The following PPFIA1 variants were observed in gnomAD, a reference collection of about 807,000 sequenced individuals.
The protein encoded by PPFIA1 is PPFI scaffold protein A1, also known as liprin-alpha-1.
PPFIA1 carries 25 observed loss-of-function variants against 149.9 expected under a neutral mutation model. That is an observed-to-expected ratio of 0.17 (90% confidence interval 0.12 to 0.23). PPFIA1 has a LOEUF of 0.23. Ranked by LOEUF, PPFIA1 falls within the 10% of genes least tolerant of loss-of-function variation. The pLI is 1.00. For synonymous variants in PPFIA1, 549 were observed against 552.8 expected (o/e 0.99, Z 0.10); for missense variants, 1,362 against 1,506.5 (o/e 0.90, Z 1.59).
At chr11:70,341,824 CAG>C (rs1219105713) in intron 14 of PPFIA1, 1 of 152,770 alleles carries the variant, frequency 6.5e-6, no homozygotes, top group Non-Finnish European at 1.5e-5. Context: ...GTAGAGTGCT[CAG>C]GGAAGAGAGG....
At chr11:70,318,060 G>A (rs186378082) in intron 2 of PPFIA1, among the ~76,000 whole-genome samples, 4 of 151,848 alleles carry the variant, frequency 2.6e-5, no homozygotes, top group East Asian at 1.9e-4. Context: ...ACTTCATTGC[G>A]CTTACCTGGC....
At chr11:70,283,973 G>C in intron 2 of PPFIA1, 1 of 532,824 alleles carries the variant, frequency 1.9e-6, no homozygotes, top group South Asian at 1.4e-5. Flanking sequence ...AAGTATTGCT[G>C]TTAGGTTGGT....
At chr11:70,317,464 A>G (rs1249369308) in intron 2 of PPFIA1, among the ~76,000 whole-genome samples, 2 of 152,220 alleles carry the variant, frequency 1.3e-5, no homozygotes, top group African/African-American at 2.4e-5. Flanking sequence ...TTCGTTTTCT[A>G]CTGTAGCCAC....
At chr11:70,347,074 C>G (rs1354744672) in intron 15 of PPFIA1, among the ~76,000 whole-genome samples, 1 of 152,076 alleles carries the variant, frequency 6.6e-6, no homozygotes, top group East Asian at 1.9e-4. Flanking sequence ...AAAAAAGAAC[C>G]AACTCAATAT....
At chr11:70,375,502 A>G (rs1418372804) in intron 24 of PPFIA1, 1 of 152,912 alleles carries the variant, frequency 6.5e-6, no homozygotes, top group Non-Finnish European at 1.5e-5. Flanking sequence ...CAGAACATTG[A>G]ATATGCCAGG....
In PPFIA1 at chr11:70,337,391, T is replaced by G. The variant is rs768151163; in HGVS notation, c.1455T>G (p.Ser485Arg). The G allele has an allele frequency of 1.9e-6, 3 of 1,599,392 alleles. No homozygotes were observed. Among genetic ancestry groups the G allele is most frequent in the Non-Finnish European group, 1.7e-6 (2 of 1,172,590 alleles). Residue 485 changes from serine (S) to arginine (R), a missense_variant, in exon 12 of 28, where the codon AGT (serine) becomes AGG (arginine). This residue lies in a region of PPFIA1 where 733 missense variants were observed against 744.1 expected (regional missense o/e 0.99). Transcript: ENST00000253925. ...ACTCTCTTTTAAGAGAAGTTGAAAGTGCAAAAAAGCAGTTAGAAGAAACAC... is the reference window on the plus strand; with the variant it reads ...ACTCTCTTTTAAGAGAAGTTGAAAGGGCAAAAAAGCAGTTAGAAGAAACAC... ...DKNSLLREVE[S>R]AKKQLEETQH...
At chr11:70,365,345 T>C (rs955086369) in intron 21 of PPFIA1, 8 of 455,988 alleles carry the variant, frequency 1.8e-5, no homozygotes, top group African/African-American at 1.6e-4. Context: ...TTGCCCTGGA[T>C]GTGGTTGGTG....
chr11:70,302,895 C>T (rs2052582685), intron 2 of PPFIA1, among the ~76,000 whole-genome samples: 1 of 151,832 alleles, frequency 6.6e-6, no homozygotes, highest in Admixed American at 6.6e-5. Flanking sequence ...ATTTGTGCCA[C>T]CACACCACAG....
At chr11:70,271,100 G>C (rs2050044804) in intron 1 of PPFIA1, 186 bp downstream of exon 1, 1 of 151,910 alleles carries the variant, frequency 6.6e-6, no homozygotes. Flanking sequence ...GCGCCCCAAG[G>C]GACGGCTCCG....
chr11:70,289,105 T>G (rs1336234178), intron 2 of PPFIA1, among the ~76,000 whole-genome samples: 7 of 151,770 alleles, frequency 4.6e-5, no homozygotes, highest in African/African-American at 1.5e-4. Flanking sequence ...GTAGCTGGGA[T>G]TACAGGCCCA....
rs765017374 is a variant in PPFIA1 at position 70,343,727 on chromosome 11, A to G, written c.1766A>G (p.Asn589Ser). The G allele has an allele frequency of 1.9e-6, 3 of 1,614,238 alleles. No homozygotes were observed. The highest frequency in any genetic ancestry group is 2.2e-5 in the East Asian group (1 of 44,882). Residue 589 changes from asparagine to serine, a missense_variant, in exon 15 of 28, where the codon AAT (asparagine) becomes AGT (serine). This residue lies in a region of PPFIA1 where 733 missense variants were observed against 744.1 expected (regional missense o/e 0.99). Coordinates refer to ENST00000253925, the MANE Select transcript of PPFIA1 (RefSeq NM_003626.5). ...GCCCAGCAAGCTAGTGTCTTGGCAA[A>G]TGTAGCACAAGCATTCGAGAGTGAT... ...ERAQQASVLA[N>S]VAQAFESDAD...
At chr11:70,278,015 A>C (rs894293131) in intron 2 of PPFIA1, among the ~76,000 whole-genome samples, 4 of 151,812 alleles carry the variant, frequency 2.6e-5, no homozygotes, top group Admixed American at 2.0e-4. Flanking sequence ...GGTTCAAGCA[A>C]TTCTCCTGCC....
chr11:70,272,219 C>G lies in PPFIA1; in HGVS notation c.47C>G (p.Pro16Arg). Reference sequence around the variant, plus strand: ...ACCATCAGCGAAGCAGAAGGCCCCCCTGGAGGAGGTGGAGGCCATGGTTCC... The same window carrying G: ...ACCATCAGCGAAGCAGAAGGCCCCCGTGGAGGAGGTGGAGGCCATGGTTCC... ...MPTISEAEGP[P>R]GGGGGHGSGS... is the part of the protein sequence containing the mutation. Residue 16 changes from proline (P) to arginine (R), a missense_variant, in exon 2 of 28, where the codon CCT becomes CGT. Physicochemically the swap from Pro to Arg is moderately radical, Grantham distance 103. Around this residue, in one of 7 missense-constraint regions of PPFIA1, gnomAD observed 100 missense variants for 106.2 expected, o/e 0.94. Coordinates refer to ENST00000253925, the MANE Select transcript of PPFIA1 (RefSeq NM_003626.5). 6.2e-7 allele frequency: 1 copy of G among 1,614,076 alleles called. No homozygotes were observed. The highest frequency in any genetic ancestry group is 8.5e-7 in the Non-Finnish European group (1 of 1,179,966).
chr11:70,339,088 A>G, intron 13 of PPFIA1, 83 bp from the exon 14 acceptor site: 1 of 1,535,332 alleles, frequency 6.5e-7, no homozygotes, highest in South Asian at 1.2e-5. Flanking sequence ...TAACTTTTCC[A>G]AATTGATAGA....
At chr11:70,324,002 G>A (rs572469445) in intron 2 of PPFIA1, among the ~76,000 whole-genome samples, 44 of 152,342 alleles carry the variant, frequency 2.9e-4, no homozygotes, top group Admixed American at 2.5e-3. Flanking sequence ...GACAGGGGTG[G>A]TGGCCTTCTA....
In PPFIA1 at chr11:70,345,941, G is replaced by A. The variant is rs964049364; in HGVS notation, c.1931+2049G>A. Reference sequence around the variant, plus strand: ...CAGAACACTGGAGCTCTTCAGGAGTGCACGGCTCCACTCCAGTGTTCCTTT... The same window carrying A: ...CAGAACACTGGAGCTCTTCAGGAGTACACGGCTCCACTCCAGTGTTCCTTT... On this transcript the variant is annotated intron_variant, in intron 15 of 27. Coordinates refer to ENST00000253925, the MANE Select transcript of PPFIA1 (RefSeq NM_003626.5). 10 of 453,452 alleles carry A rather than the reference G, an allele frequency of 2.2e-5. No homozygotes were observed. In the Admixed American group the frequency reaches 2.4e-4, roughly 11 times the overall value. 28.1% of individuals were successfully genotyped at this position (453,452 alleles called of 1,614,324 possible).
At chr11:70,306,691 A>G (rs1565372363) in intron 2 of PPFIA1, among the ~76,000 whole-genome samples, 1 of 152,246 alleles carries the variant, frequency 6.6e-6, no homozygotes, top group Non-Finnish European at 1.5e-5. Flanking sequence ...ATAGCAACAC[A>G]AAAGAAGAGG....
At chr11:70,337,493 C>T in intron 12 of PPFIA1, 66 bp downstream of exon 12, 12 of 1,230,520 alleles carry the variant, frequency 9.8e-6, no homozygotes, top group Non-Finnish European at 1.4e-5. Context: ...ATGATAGTTA[C>T]TGCAGATGTC....
At chr11:70,305,063 G>T (rs1325344290) in intron 2 of PPFIA1, among the ~76,000 whole-genome samples, 4 of 152,192 alleles carry the variant, frequency 2.6e-5, no homozygotes, top group Non-Finnish European at 5.9e-5. Context: ...CATGGTGGCA[G>T]TTTGTGAGTG....
Sources: allele counts gnomAD v4.1 joint callset (sites outside exome capture counted in the v4.1 genomes callset), GRCh38; gene constraint gnomAD v4.1.1; regional missense constraint gnomAD v4.1.1; transcripts MANE v1.5; gene names NCBI Gene and HGNC (gene_info 2026-07-23, HGNC 2026-07-21).